TMEM181: variants seen among roughly 807,000 people sequenced by gnomAD.
The protein encoded by TMEM181 is transmembrane protein 181.
In TMEM181, 39 loss-of-function variants were observed where a neutral mutation model predicts 71.9. That is an observed-to-expected ratio of 0.54 (90% confidence interval 0.42 to 0.71). TMEM181 has a LOEUF of 0.71. Among genes scored for constraint, TMEM181 ranks in the 30% least tolerant of loss-of-function variants. The probability of loss-of-function intolerance (pLI) is 0.00; values close to 1 mark genes in which losing one functional copy is unlikely to be tolerated. For synonymous variants in TMEM181, 245 were observed against 228.8 expected, an observed-to-expected ratio of 1.07 and a Z score of -0.64; for missense variants, 595 against 583.0, an observed-to-expected ratio of 1.02 and a Z score of -0.21.
intron 1 of TMEM181, among the ~76,000 whole-genome samples, chr6:158,549,658 G>A (rs747312100): frequency 2.6e-5 from 4 of 152,134 alleles, no homozygotes; most frequent in Non-Finnish European, 4.4e-5. Flanking sequence ...TAGTCAGGGC[G>A]GTAAAGGAAG....
At chr6:158,616,380 T>G (rs962655807) in intron 10 of TMEM181, among the ~76,000 whole-genome samples, 6 of 152,208 alleles carry the variant, frequency 3.9e-5, no homozygotes, top group African/African-American at 1.4e-4. Flanking sequence ...TAAGGAGATT[T>G]TGGGCTGAGA....
intron 10 of TMEM181, among the ~76,000 whole-genome samples, chr6:158,616,880 G>A (rs1319979140): frequency 7.9e-5 from 12 of 152,072 alleles, no homozygotes; most frequent in Admixed American, 3.9e-4. Flanking sequence ...TGCTGGATTC[G>A]GTTTGCCAGT....
intron 5 of TMEM181, 121 bp downstream of exon 5, chr6:158,585,546 A>C: frequency 8.1e-7 from 1 of 1,237,756 alleles, no homozygotes; most frequent in Non-Finnish European, 1.1e-6. Flanking sequence ...TTCTTAAGTG[A>C]AAAAAATGGA....
intron 6 of TMEM181, among the ~76,000 whole-genome samples, chr6:158,597,257 T>C (rs1784431474): frequency 6.6e-6 from 1 of 152,216 alleles, no homozygotes; most frequent in South Asian, 2.1e-4. Flanking sequence ...TTTAAGTAGA[T>C]AGAATGGTGT....
At chr6:158,568,666 T>G (rs544292391) in intron 1 of TMEM181, among the ~76,000 whole-genome samples, 1 of 152,338 alleles carries the variant, frequency 6.6e-6, no homozygotes, top group African/African-American at 2.4e-5. Context: ...GTCACTGGTC[T>G]AGGTTGGCAT....
chr6:158,595,151 T>C (rs1488818188), intron 6 of TMEM181, among the ~76,000 whole-genome samples: 1 of 152,254 alleles, frequency 6.6e-6, no homozygotes, highest in Non-Finnish European at 1.5e-5. Flanking sequence ...TTGTACTAAT[T>C]ACTAACATCC....
chr6:158,575,955 T>A (rs1044173736), intron 2 of TMEM181, among the ~76,000 whole-genome samples: 1 of 152,220 alleles, frequency 6.6e-6, no homozygotes, highest in Non-Finnish European at 1.5e-5. Flanking sequence ...TAAAATCAGA[T>A]TCACGGTGTT....
Position 158,608,636 on chromosome 6 carries a change from A to T in TMEM181, c.805-23A>T, listed in dbSNP as rs370235289. ...ACCAATTTGGTTTTCTTTATTTCTT[A>T]CTTCTTATTTTTTTCTTTTTAGGGA... On this transcript the variant is annotated intron_variant, in intron 9 of 16. Transcript: ENST00000684151. 5.0e-6 allele frequency: 8 copies of T among 1,600,350 alleles called. No homozygotes were observed. In the African/African-American group the frequency reaches 5.4e-5, roughly 11 times the overall value.
intron 10 of TMEM181, among the ~76,000 whole-genome samples, chr6:158,622,635 C>T (rs960217610): frequency 2.6e-5 from 4 of 152,216 alleles, no homozygotes; most frequent in Non-Finnish European, 2.9e-5. Flanking sequence ...TTTCTGACTG[C>T]AGCTGATTTC....
intron 1 of TMEM181, among the ~76,000 whole-genome samples, chr6:158,563,847 T>C (rs939288587): frequency 6.6e-6 from 1 of 152,120 alleles, no homozygotes; most frequent in Non-Finnish European, 1.5e-5. Flanking sequence ...AATGGTGCGA[T>C]CTCAGCTCAC....
intron 5 of TMEM181, among the ~76,000 whole-genome samples, chr6:158,588,875 G>T (rs1379299913): frequency 1.3e-5 from 2 of 152,340 alleles, no homozygotes; most frequent in East Asian, 3.9e-4. Context: ...CCACCCGTTT[G>T]CTCTGGGCAG....
In TMEM181 at chr6:158,580,934, C is replaced by CT. The variant is rs1562633386; in HGVS notation, c.113-3dup. On this transcript the variant is annotated splice_polypyrimidine_tract_variant and splice_region_variant and intron_variant, in intron 2 of 16. Transcript: ENST00000684151. ...TCTGCTTTTGTCCTTTTCTGTTACACTTTAGGACCTAAAGTGATCCAGACT... is the reference window on the plus strand; with the variant it reads ...TCTGCTTTTGTCCTTTTCTGTTACACTTTTAGGACCTAAAGTGATCCAGACT... The CT allele has an allele frequency of 6.2e-7, 1 of 1,601,552 alleles. No individual in the cohort carries two copies.
At chr6:158,581,103 C>T (rs1040731834) in intron 3 of TMEM181, 108 bp downstream of exon 3, 11 of 1,076,076 alleles carry the variant, frequency 1.0e-5, no homozygotes, top group East Asian at 9.7e-5. Flanking sequence ...CCTTGCCTTG[C>T]GGCTTCTCAG....
chr6:158,605,487 C>G, intron 7 of TMEM181, 140 bp downstream of exon 7: 1 of 773,184 alleles, frequency 1.3e-6, no homozygotes, highest in Non-Finnish European at 2.2e-6. Context: ...GCTGATATTA[C>G]AACTCTGTGT....
At chr6:158,581,296 A>G (rs911097581) in intron 3 of TMEM181, among the ~76,000 whole-genome samples, 2 of 152,192 alleles carry the variant, frequency 1.3e-5, no homozygotes, top group African/African-American at 2.4e-5. Context: ...TGTAAGTCCT[A>G]TCAGATTGTA....
At chr6:158,540,317 T>C (rs532726795) in intron 1 of TMEM181, among the ~76,000 whole-genome samples, 40 of 152,242 alleles carry the variant, frequency 2.6e-4, no homozygotes, top group Non-Finnish European at 4.1e-4. Flanking sequence ...GGCAAGCAGC[T>C]ACTAAAGTTG....
chr6:158,555,297 T>A (rs1272359506), upstream of TMEM181, among the ~76,000 whole-genome samples: 1 of 152,216 alleles, frequency 6.6e-6, no homozygotes, highest in Non-Finnish European at 1.5e-5. Flanking sequence ...CTGTGAGCCT[T>A]TTATGAAGAT....
chr6:158,626,878 ACT>A (rs375446299), intron 13 of TMEM181, among the ~76,000 whole-genome samples: 66 of 139,984 alleles, frequency 4.7e-4, no homozygotes, highest in African/African-American at 1.3e-3. Flanking sequence ...TCACTCTCAC[ACT>A]CTCACACCCC....
chr6:158,577,057 A>G (rs533847096), intron 2 of TMEM181, among the ~76,000 whole-genome samples: 300 of 111,456 alleles, frequency 2.7e-3, no homozygotes, highest in African/African-American at 0.011. Flanking sequence ...GCAAGACTCC[A>G]TCTCAAAAAA....
Sources: allele counts gnomAD v4.1 joint callset (sites outside exome capture counted in the v4.1 genomes callset), GRCh38; gene constraint gnomAD v4.1.1; transcripts MANE v1.5; gene names NCBI Gene and HGNC (gene_info 2026-07-23, HGNC 2026-07-21).